The following RNGTT variants were observed in gnomAD, a reference collection of about 807,000 sequenced individuals.
RNGTT encodes the protein mRNA-capping enzyme.
RNGTT carries 33 observed loss-of-function variants against 79.3 expected under a neutral mutation model. That is an observed-to-expected ratio of 0.42 (90% CI 0.32 to 0.56). The LOEUF (loss-of-function observed/expected upper bound fraction) is 0.56. Ranked by LOEUF, RNGTT falls within the 20% of genes least tolerant of loss-of-function variation. The pLI, the probability that RNGTT is intolerant of heterozygous loss-of-function variation, is 0.17. For synonymous variants in RNGTT, 222 were observed against 235.9 expected (o/e 0.94, Z 0.54); for missense variants, 497 against 739.1 (o/e 0.67, Z 3.80).
chr6:88,772,329 T>C (rs1778713541), intron 12 of RNGTT, among the ~76,000 whole-genome samples: 1 of 150,820 alleles, frequency 6.6e-6, no homozygotes, highest in Non-Finnish European at 1.5e-5. Context: ...GAAGACTCAA[T>C]GTGTTAAGAT....
chr6:88,640,376 C>G (rs377279953), intron 14 of RNGTT, among the ~76,000 whole-genome samples: 1 of 141,212 alleles, frequency 7.1e-6, no homozygotes, highest in African/African-American at 2.7e-5. Flanking sequence ...ATACCGAGAC[C>G]CTGTCTCTAC....
chr6:88,649,417 A>G (rs1353252837), intron 14 of RNGTT, among the ~76,000 whole-genome samples: 1 of 152,184 alleles, frequency 6.6e-6, no homozygotes, highest in Non-Finnish European at 1.5e-5. Flanking sequence ...AAAAGGTTCT[A>G]GCCGGGCGCG....
chr6:88,919,012 A>T (rs1010345204), intron 4 of RNGTT, among the ~76,000 whole-genome samples: 2 of 152,218 alleles, frequency 1.3e-5, no homozygotes, highest in Non-Finnish European at 2.9e-5. Context: ...TTATATGCAA[A>T]TACAAAAAGT....
intron 14 of RNGTT, among the ~76,000 whole-genome samples, chr6:88,674,969 G>A (rs1415772390): frequency 2.0e-5 from 3 of 151,850 alleles, no homozygotes; most frequent in Admixed American, 1.3e-4. Context: ...GTGGTGGTGC[G>A]AGCCTGTAAT....
intron 2 of RNGTT, among the ~76,000 whole-genome samples, chr6:88,937,247 G>A (rs1177096544): frequency 6.6e-6 from 1 of 152,016 alleles, no homozygotes; most frequent in Non-Finnish European, 1.5e-5. Context: ...TCAGGAGGCT[G>A]AAGTAGAAGA....
chr6:88,662,802 A>T (rs1644168859), intron 14 of RNGTT, among the ~76,000 whole-genome samples: 2 of 152,206 alleles, frequency 1.3e-5, no homozygotes, highest in South Asian at 4.1e-4. Flanking sequence ...GAGAATTAAC[A>T]CAGCGGTTGA....
intron 8 of RNGTT, among the ~76,000 whole-genome samples, chr6:88,854,789 T>C (rs1781791469): frequency 1.3e-5 from 2 of 152,220 alleles, no homozygotes; most frequent in South Asian, 2.1e-4. Context: ...GGTTAGGTTA[T>C]CATCACTGAT....
At chr6:88,815,943 A>G (rs373713308) in intron 11 of RNGTT, among the ~76,000 whole-genome samples, 59 of 152,358 alleles carry the variant, frequency 3.9e-4, no homozygotes, top group African/African-American at 1.3e-3. Context: ...ACAATATAAA[A>G]AAGTATAACA....
At chr6:88,821,555 T>C (rs564559017) in intron 11 of RNGTT, among the ~76,000 whole-genome samples, 1 of 152,074 alleles carries the variant, frequency 6.6e-6, no homozygotes, top group South Asian at 2.1e-4. Context: ...AAATTAAATA[T>C]TATGCAAACC....
intron 12 of RNGTT, among the ~76,000 whole-genome samples, chr6:88,781,343 T>C (rs968680952): frequency 5.9e-5 from 9 of 152,334 alleles, no homozygotes; most frequent in African/African-American, 2.2e-4. Flanking sequence ...TGAGTAGTTA[T>C]CACCAGGTTC....
rs150963439 is a variant in RNGTT, at chr6:88,800,184, G to A, written c.1338+1380C>T. ...ATATAATGCTTTACATGCATAGGTT[G>A]AATATGCCTTCTCTGAAATGCTTAG... On this transcript the variant is annotated intron_variant, in intron 12 of 15. Coordinates refer to ENST00000369485, the MANE Select transcript of RNGTT (RefSeq NM_003800.5). 1.1e-3 allele frequency among the ~76,000 whole-genome samples: 164 copies of A among 152,292 alleles called. 1 individual carries two copies. In the Middle Eastern group the frequency reaches 0.024, roughly 22 times the overall value.
At chr6:88,636,870 A>T (rs995874343) in intron 14 of RNGTT, among the ~76,000 whole-genome samples, 2 of 151,978 alleles carry the variant, frequency 1.3e-5, no homozygotes, top group Non-Finnish European at 2.9e-5. Flanking sequence ...ATCTTGCTAC[A>T]TTACTGAGAA....
chr6:88,855,585 A>G (rs2127909413), intron 8 of RNGTT, among the ~76,000 whole-genome samples: 1 of 152,254 alleles, frequency 6.6e-6, no homozygotes. Context: ...AATAATAATG[A>G]TAATTAGTTC....
chr6:88,956,735 C>T (rs1785443971), intron 1 of RNGTT, among the ~76,000 whole-genome samples: 1 of 152,070 alleles, frequency 6.6e-6, no homozygotes, highest in African/African-American at 2.4e-5. Flanking sequence ...GATGGTTTAC[C>T]ATACACAAGT....
intron 13 of RNGTT, among the ~76,000 whole-genome samples, chr6:88,728,797 A>G (rs1777007366): frequency 6.6e-6 from 1 of 152,198 alleles, no homozygotes; most frequent in Admixed American, 6.5e-5. Flanking sequence ...TCCTCTGTCT[A>G]ACAACAAGAC....
chr6:88,724,178 T>A (rs7750038), intron 13 of RNGTT, among the ~76,000 whole-genome samples: 40,568 of 152,106 alleles, frequency 0.27, 9,447 homozygotes, highest in African/African-American at 0.63. Context: ...CGAAGTGTGC[T>A]GTGTTTATAA....
intron 8 of RNGTT, among the ~76,000 whole-genome samples, chr6:88,875,836 T>G (rs182061941): frequency 6.6e-6 from 1 of 152,330 alleles, no homozygotes; most frequent in Admixed American, 6.5e-5. Flanking sequence ...AAAATTCATT[T>G]TCCTTTAATT....
intron 1 of RNGTT, among the ~76,000 whole-genome samples, chr6:88,960,283 C>G (rs1455873992): frequency 6.6e-6 from 1 of 152,260 alleles, no homozygotes; most frequent in Non-Finnish European, 1.5e-5. Context: ...ACTTCAAAAT[C>G]ACCATCACTA....
chr6:88,618,592 A>T (rs1354107463), intron 14 of RNGTT, among the ~76,000 whole-genome samples: 1 of 152,176 alleles, frequency 6.6e-6, no homozygotes, highest in East Asian at 1.9e-4. Flanking sequence ...AAGATTTCAC[A>T]TCTGTACCCC....
Sources: allele counts gnomAD v4.1 joint callset (sites outside exome capture counted in the v4.1 genomes callset), GRCh38; gene constraint gnomAD v4.1.1; transcripts MANE v1.5; gene names NCBI Gene and HGNC (gene_info 2026-07-23, HGNC 2026-07-21).